ATP6V1H: variants seen among roughly 807,000 people sequenced by gnomAD.
The protein encoded by ATP6V1H is V-type proton ATPase subunit H.
In ATP6V1H, 39 loss-of-function variants were observed where a neutral mutation model predicts 71.7. The observed-to-expected ratio is 0.54, with a 90% confidence interval of 0.42 to 0.71. The LOEUF (loss-of-function observed/expected upper bound fraction) is 0.71. ATP6V1H is among the 30% of genes least tolerant of loss of function. The probability of loss-of-function intolerance (pLI) is 0.00; values close to 1 mark genes in which losing one functional copy is unlikely to be tolerated. For missense variants in ATP6V1H, 509 were observed against 594.9 expected (o/e 0.86, Z 1.50); for synonymous variants, 192 against 199.3 (o/e 0.96, Z 0.31).
At chr8:53,764,782 A>G (rs1253612609) in intron 11 of ATP6V1H, among the ~76,000 whole-genome samples, 1 of 152,214 alleles carries the variant, frequency 6.6e-6, no homozygotes, top group Non-Finnish European at 1.5e-5. Flanking sequence ...CTATCTCTGA[A>G]CAACTGGAAT....
intron 9 of ATP6V1H, among the ~76,000 whole-genome samples, chr8:53,790,883 G>C (rs1429357979): frequency 1.3e-5 from 2 of 152,118 alleles, no homozygotes; most frequent in African/African-American, 2.4e-5. Context: ...ATGTGGGAGT[G>C]ATATTGTGGG....
chr8:53,767,080 G>A (rs987638355), intron 11 of ATP6V1H, among the ~76,000 whole-genome samples: 1 of 152,080 alleles, frequency 6.6e-6, no homozygotes, highest in African/African-American at 2.4e-5. Flanking sequence ...TTCCCCGGAT[G>A]CCCAGCTTTA....
intron 13 of ATP6V1H, among the ~76,000 whole-genome samples, chr8:53,723,175 C>CA: frequency 6.6e-6 from 1 of 152,298 alleles, no homozygotes; most frequent in East Asian, 1.9e-4. Context: ...TAGAAGGTGA[C>CA]AGAGGTTTTT....
chr8:53,742,668 G>A (rs1043858743), intron 13 of ATP6V1H, among the ~76,000 whole-genome samples: 2 of 152,172 alleles, frequency 1.3e-5, no homozygotes, highest in Non-Finnish European at 2.9e-5. Context: ...AGTGTTAAGT[G>A]GCAGGAACGT....
chr8:53,750,886 C>T (rs1807771688), intron 12 of ATP6V1H, among the ~76,000 whole-genome samples: 1 of 152,210 alleles, frequency 6.6e-6, no homozygotes. Flanking sequence ...ATTGAACAAT[C>T]TACTGATTTA....
At chr8:53,818,335 G>T (rs1462867941) in intron 4 of ATP6V1H, among the ~76,000 whole-genome samples, 1 of 151,972 alleles carries the variant, frequency 6.6e-6, no homozygotes, top group Non-Finnish European at 1.5e-5. Flanking sequence ...TTCTTTAGTG[G>T]TGATTTGTGG....
chr8:53,834,216 G>C (rs139392965), intron 2 of ATP6V1H, among the ~76,000 whole-genome samples: 1 of 152,258 alleles, frequency 6.6e-6, no homozygotes, highest in Non-Finnish European at 1.5e-5. Context: ...AGCTTAGCAA[G>C]TCACTATTCA....
At chr8:53,758,070 T>C (rs1431558159) in intron 11 of ATP6V1H, among the ~76,000 whole-genome samples, 1 of 152,210 alleles carries the variant, frequency 6.6e-6, no homozygotes, top group Non-Finnish European at 1.5e-5. Flanking sequence ...CTCTCTGCCT[T>C]CAAGATGAAA....
intron 8 of ATP6V1H, among the ~76,000 whole-genome samples, chr8:53,800,028 T>C (rs543247110): frequency 2.6e-5 from 4 of 152,320 alleles, no homozygotes; most frequent in Non-Finnish European, 1.5e-5. Context: ...AATTTTGGTG[T>C]GTTTTAGGCA....
At chr8:53,742,273 G>A (rs1168293727) in intron 13 of ATP6V1H, among the ~76,000 whole-genome samples, 2 of 152,124 alleles carry the variant, frequency 1.3e-5, no homozygotes, top group African/African-American at 4.8e-5. Context: ...GATATTACCA[G>A]CACTCCAGCT....
intron 9 of ATP6V1H, among the ~76,000 whole-genome samples, chr8:53,775,668 C>G (rs1441632412): frequency 6.6e-6 from 1 of 152,032 alleles, no homozygotes; most frequent in Non-Finnish European, 1.5e-5. Context: ...TTGAGCTAGA[C>G]ATAAATGTTC....
chr8:53,797,356 A>G (rs1460011667), intron 8 of ATP6V1H, among the ~76,000 whole-genome samples: 1 of 152,236 alleles, frequency 6.6e-6, no homozygotes, highest in Non-Finnish European at 1.5e-5. Flanking sequence ...TTCCCACAGC[A>G]GCAGCCAAAT....
chr8:53,777,000 A>G (rs1184587484), intron 9 of ATP6V1H, among the ~76,000 whole-genome samples: 1 of 152,234 alleles, frequency 6.6e-6, no homozygotes, highest in Non-Finnish European at 1.5e-5. Context: ...AAATTATTCA[A>G]TTTCAGAGAC....
At chr8:53,774,371 A>G (rs923018804) in intron 9 of ATP6V1H, among the ~76,000 whole-genome samples, 2 of 152,242 alleles carry the variant, frequency 1.3e-5, no homozygotes, top group African/African-American at 2.4e-5. Flanking sequence ...TTAAAGTAGA[A>G]AGTATTCATT....
chr8:53,805,877 A>G (rs1229951394), intron 7 of ATP6V1H, among the ~76,000 whole-genome samples: 1 of 152,212 alleles, frequency 6.6e-6, no homozygotes, highest in Admixed American at 6.5e-5. Context: ...GAGAGCTCAG[A>G]CACATAAGAA....
At chr8:53,727,772 C>T (rs1806865887) in intron 13 of ATP6V1H, among the ~76,000 whole-genome samples, 1 of 152,144 alleles carries the variant, frequency 6.6e-6, no homozygotes, top group African/African-American at 2.4e-5. Context: ...GGCTAGAACG[C>T]AGAAACATAA....
chr8:53,809,334 T>C (rs1810198706), intron 7 of ATP6V1H, among the ~76,000 whole-genome samples: 1 of 152,146 alleles, frequency 6.6e-6, no homozygotes, highest in African/African-American at 2.4e-5. Flanking sequence ...TATGGAAATA[T>C]AAGAATCAAA....
chr8:53,789,192 C>A (rs1368913905), intron 9 of ATP6V1H, among the ~76,000 whole-genome samples: 3 of 152,122 alleles, frequency 2.0e-5, no homozygotes, highest in Non-Finnish European at 4.4e-5. Flanking sequence ...TGTGATATTA[C>A]AGTATTAGAT....
chr8:53,727,759 C>T (rs1806865134), intron 13 of ATP6V1H, among the ~76,000 whole-genome samples: 1 of 152,186 alleles, frequency 6.6e-6, no homozygotes, highest in South Asian at 2.1e-4. Context: ...TGAATTTCTC[C>T]TTGGCTAGAA....
Sources: gnomAD v4.1 joint callset for allele counts (sites outside exome capture counted in the v4.1 genomes callset) on GRCh38, gnomAD v4.1.1 for gene constraint, MANE v1.5 for transcripts, NCBI Gene and HGNC (gene_info 2026-07-23, HGNC 2026-07-21) for gene names.